TMC1: variants seen among roughly 807,000 people sequenced by gnomAD.
The protein encoded by TMC1 is transmembrane channel-like protein 1.
TMC1 carries 84 observed loss-of-function variants against 105.8 expected under a neutral mutation model. The observed-to-expected ratio is 0.79, with a 90% CI of 0.67 to 0.95. TMC1 has a LOEUF of 0.95. Among genes scored for constraint, TMC1 ranks in the 40% least tolerant of loss-of-function variants. The pLI is 0.00. For missense variants in TMC1, 817 were observed against 914.1 expected (o/e 0.89, Z 1.37); for synonymous variants, 315 against 311.5 (o/e 1.01, Z -0.12).
intron 18 of TMC1, among the ~76,000 whole-genome samples, chr9:72,811,401 A>G (rs1221672670): frequency 1.3e-5 from 2 of 152,192 alleles, no homozygotes; most frequent in Admixed American, 6.5e-5. Flanking sequence ...CTCTGAGCAC[A>G]GTTCTCAGTG....
intron 1 of TMC1, among the ~76,000 whole-genome samples, chr9:72,577,402 C>T (rs1364269680): frequency 6.6e-6 from 1 of 152,228 alleles, no homozygotes; most frequent in East Asian, 1.9e-4. Context: ...AAGCCAAAAA[C>T]TCTCAGGGCA....
intron 1 of TMC1, among the ~76,000 whole-genome samples, chr9:72,554,575 A>G (rs1314574722): frequency 6.6e-6 from 1 of 152,170 alleles, no homozygotes; most frequent in Non-Finnish European, 1.5e-5. Flanking sequence ...GGAGAGTAAT[A>G]GAGTAACAGT....
chr9:72,755,896 T>G (rs1827670026), intron 12 of TMC1, among the ~76,000 whole-genome samples: 1 of 152,198 alleles, frequency 6.6e-6, no homozygotes, highest in Admixed American at 6.5e-5. Context: ...CTGCTACATC[T>G]TTTCAGCCCG....
intron 7 of TMC1, among the ~76,000 whole-genome samples, chr9:72,698,163 C>T (rs1826581434): frequency 6.6e-6 from 1 of 152,022 alleles, no homozygotes; most frequent in Admixed American, 6.6e-5. Context: ...TAGAAACAAC[C>T]CAATGGCTAT....
At chr9:72,714,029 A>G (rs1217622461) in intron 8 of TMC1, among the ~76,000 whole-genome samples, 1 of 152,068 alleles carries the variant, frequency 6.6e-6, no homozygotes, top group East Asian at 1.9e-4. Flanking sequence ...TTATTTACCC[A>G]GTAGTCATTT....
chr9:72,538,394 CTTGTATTGTATTGTATTGTA>C (rs71357577), intron 1 of TMC1, among the ~76,000 whole-genome samples: 4,493 of 143,854 alleles, frequency 0.031, 87 homozygotes, highest in African/African-American at 0.052. Context: ...GGATAAAATA[CTTGTATTGTATTGTATTGTA>C]TTGTATTGTA....
At chr9:72,665,812 G>A (rs1474010059) in intron 5 of TMC1, among the ~76,000 whole-genome samples, 1 of 152,200 alleles carries the variant, frequency 6.6e-6, no homozygotes, top group Non-Finnish European at 1.5e-5. Context: ...TTAGATGTAG[G>A]TGAAGGCTGT....
At chr9:72,575,131 GT>G (rs1418905691) in intron 1 of TMC1, among the ~76,000 whole-genome samples, 3 of 152,160 alleles carry the variant, frequency 2.0e-5, no homozygotes, top group Non-Finnish European at 4.4e-5. Context: ...TACAAAGGGT[GT>G]ACTTGTATTA....
intron 1 of TMC1, among the ~76,000 whole-genome samples, chr9:72,561,918 G>A (rs1428409110): frequency 2.6e-5 from 4 of 151,912 alleles, no homozygotes; most frequent in Non-Finnish European, 5.9e-5. Context: ...TGAGGCGGGA[G>A]GATCGCTTGA....
chr9:72,731,039 T>G (rs1192182005), intron 8 of TMC1, among the ~76,000 whole-genome samples: 2 of 152,246 alleles, frequency 1.3e-5, no homozygotes, highest in Non-Finnish European at 2.9e-5. Context: ...AATCATCTGG[T>G]CTTCTCACTG....
At chr9:72,732,600 A>C (rs143746847) in intron 8 of TMC1, among the ~76,000 whole-genome samples, 283 of 152,084 alleles carry the variant, frequency 1.9e-3, no homozygotes, top group African/African-American at 5.6e-3. Flanking sequence ...ATCTTTGGAT[A>C]ATAACTAAAA....
chr9:72,777,605 G>A (rs1408085400), intron 13 of TMC1, among the ~76,000 whole-genome samples: 3 of 152,118 alleles, frequency 2.0e-5, no homozygotes, highest in Admixed American at 6.5e-5. Context: ...AAGCAACGAG[G>A]TATGAAAGAC....
intron 1 of TMC1, among the ~76,000 whole-genome samples, chr9:72,552,943 C>T (rs970235679): frequency 6.6e-5 from 10 of 151,976 alleles, no homozygotes; most frequent in Admixed American, 2.0e-4. Context: ...CTCAGAATTA[C>T]GAAGAATGTG....
Position 72,830,549 on chromosome 9 carries a change from A to C in TMC1, c.2208+20A>C. On this transcript the variant is annotated intron_variant, in intron 22 of 23. Transcript: ENST00000297784. ...AAAATGGTATGATACAATTTATTTC[A>C]TAGAAATATTATCTTTATTAATGTC... 3 of 1,605,242 alleles carry C rather than the reference A, an allele frequency of 1.9e-6. No homozygotes were observed. Among genetic ancestry groups the C allele is most frequent in the Non-Finnish European group, 2.6e-6 (3 of 1,172,194 alleles).
intron 8 of TMC1, among the ~76,000 whole-genome samples, chr9:72,705,380 C>T (rs535191030): frequency 3.9e-5 from 6 of 152,314 alleles, no homozygotes; most frequent in African/African-American, 1.4e-4. Context: ...TATAACTTCT[C>T]TTTGAACCTC....
chr9:72,620,420 A>AT (rs112407267), intron 3 of TMC1, among the ~76,000 whole-genome samples: 16,372 of 151,396 alleles, frequency 0.11, 1,127 homozygotes, highest in African/African-American at 0.19. Context: ...TTAAAAAAAG[A>AT]ATTTTTTTTT....
chr9:72,768,635 A>G (rs1020297633), intron 12 of TMC1, among the ~76,000 whole-genome samples: 2 of 151,956 alleles, frequency 1.3e-5, no homozygotes, highest in Non-Finnish European at 2.9e-5. Flanking sequence ...ACAAAACAAA[A>G]CAAAACCAGA....
At chr9:72,625,561 G>T (rs185784835) in intron 3 of TMC1, among the ~76,000 whole-genome samples, 1 of 152,096 alleles carries the variant, frequency 6.6e-6, no homozygotes, top group African/African-American at 2.4e-5. Context: ...GGTGGCGGGT[G>T]CCTATAGTCC....
At chr9:72,721,612 T>G (rs928713156) in intron 8 of TMC1, among the ~76,000 whole-genome samples, 1 of 152,278 alleles carries the variant, frequency 6.6e-6, no homozygotes, top group African/African-American at 2.4e-5. Flanking sequence ...TAGCAGAGCA[T>G]AAAACTAAGC....
Sources: gnomAD v4.1 joint callset for allele counts (sites outside exome capture counted in the v4.1 genomes callset) on GRCh38, gnomAD v4.1.1 for gene constraint, MANE v1.5 for transcripts, NCBI Gene and HGNC (gene_info 2026-07-23, HGNC 2026-07-21) for gene names.